Variants in PPP2R2C observed in about 807,000 individuals in gnomAD.
PPP2R2C encodes protein phosphatase 2 regulatory subunit Bgamma.
Under a neutral mutation model 45.3 loss-of-function variants are expected in PPP2R2C, and 10 were observed. The ratio of observed to expected loss-of-function variants is 0.22; its 90% confidence interval spans 0.14 to 0.37. The LOEUF (loss-of-function observed/expected upper bound fraction) is 0.37. Ranked by LOEUF, PPP2R2C falls within the 10% of genes least tolerant of loss-of-function variation. PPP2R2C has a pLI of 1.00. For missense variants in PPP2R2C, 308 were observed against 619.7 expected (o/e 0.50, Z 5.34); for synonymous variants, 257 against 245.4 (o/e 1.05, Z -0.44).
At chr4:6,384,953 A>G in intron 1 of PPP2R2C, 5 of 714,408 alleles carry the variant, frequency 7.0e-6, no homozygotes, top group Non-Finnish European at 8.6e-6. Context: ...CATTATCTGT[A>G]GTGTGCTTAT....
chr4:6,527,278 G>C (rs1009087991), intron 2 of PPP2R2C, among the ~76,000 whole-genome samples: 3 of 152,170 alleles, frequency 2.0e-5, no homozygotes, highest in African/African-American at 7.2e-5. Flanking sequence ...GGTTTACCCC[G>C]CTAGAAGGAA....
intron 1 of PPP2R2C, among the ~76,000 whole-genome samples, chr4:6,453,959 G>A (rs1156537367): frequency 6.6e-6 from 1 of 152,212 alleles, no homozygotes; most frequent in Non-Finnish European, 1.5e-5. Flanking sequence ...AGGGCCACCG[G>A]TCTGCCTCAC....
chr4:6,356,152 T>A (rs558649254), intron 5 of PPP2R2C, among the ~76,000 whole-genome samples: 2 of 152,166 alleles, frequency 1.3e-5, no homozygotes, highest in African/African-American at 4.8e-5. Context: ...TCTTTTTAGG[T>A]TGCAAATACT....
intron 1 of PPP2R2C, chr4:6,384,387 G>A: frequency 1.0e-6 from 1 of 985,322 alleles, no homozygotes; most frequent in South Asian, 4.7e-5. Context: ...TCTCCAAAAT[G>A]TGAACGGAGG....
At chr4:6,327,653 C>T (rs1732058649) in intron 8 of PPP2R2C, among the ~76,000 whole-genome samples, 1 of 152,204 alleles carries the variant, frequency 6.6e-6, no homozygotes, top group African/African-American at 2.4e-5. Context: ...GCCCTGTCTG[C>T]TGGGGGTGTC....
At chr4:6,519,951 G>C (rs1477451930) in intron 2 of PPP2R2C, among the ~76,000 whole-genome samples, 1 of 152,124 alleles carries the variant, frequency 6.6e-6, no homozygotes, top group African/African-American at 2.4e-5. Context: ...CACCACCTGG[G>C]GTGAGCTGCT....
chr4:6,469,077 CAAAAAAAAAA>C (rs142008829), intron 1 of PPP2R2C, among the ~76,000 whole-genome samples: 37 of 56,192 alleles, frequency 6.6e-4, no homozygotes, highest in Admixed American at 2.7e-3. Context: ...GCCCTGCCAC[CAAAAAAAAAA>C]AAAAAAAAAA....
At chr4:6,492,528 G>A (rs999008201) in intron 2 of PPP2R2C, among the ~76,000 whole-genome samples, 1 of 152,204 alleles carries the variant, frequency 6.6e-6, no homozygotes, top group Admixed American at 6.5e-5. Context: ...GAAAGTCAGT[G>A]GCCCCACGCC....
intron 2 of PPP2R2C, among the ~76,000 whole-genome samples, chr4:6,518,922 T>TAAAA (rs56002128): frequency 1.2e-3 from 115 of 92,854 alleles, no homozygotes; most frequent in African/African-American, 3.6e-3. Context: ...GACTCTGTCT[T>TAAAA]AAAAAAAAAA....
At chr4:6,534,425 C>G (rs1254947787) in intron 2 of PPP2R2C, among the ~76,000 whole-genome samples, 1 of 151,010 alleles carries the variant, frequency 6.6e-6, no homozygotes, top group African/African-American at 2.4e-5. Flanking sequence ...AACACACACA[C>G]CAACACATAC....
chr4:6,502,294 C>T (rs932376897), intron 2 of PPP2R2C, among the ~76,000 whole-genome samples: 3 of 152,142 alleles, frequency 2.0e-5, no homozygotes, highest in African/African-American at 7.2e-5. Flanking sequence ...TTCCATATGC[C>T]GGGGAAATCC....
chr4:6,415,640 A>G (rs1012609185), intron 1 of PPP2R2C, among the ~76,000 whole-genome samples: 1 of 152,186 alleles, frequency 6.6e-6, no homozygotes. Context: ...CCGTGCCTCA[A>G]TCGACAGCAT....
chr4:6,526,558 G>C (rs1724215876), intron 2 of PPP2R2C, among the ~76,000 whole-genome samples: 1 of 152,240 alleles, frequency 6.6e-6, no homozygotes, highest in Non-Finnish European at 1.5e-5. Flanking sequence ...GAAAAGAAGA[G>C]GGGGTGGTCG....
chr4:6,522,208 T>C (rs1027832925), intron 2 of PPP2R2C, among the ~76,000 whole-genome samples: 4 of 152,246 alleles, frequency 2.6e-5, no homozygotes, highest in African/African-American at 9.6e-5. Flanking sequence ...AGAGGGTATC[T>C]GGGACTCCAA....
chr4:6,335,333 T>C (rs1380162452), intron 6 of PPP2R2C, among the ~76,000 whole-genome samples: 2 of 152,130 alleles, frequency 1.3e-5, no homozygotes, highest in African/African-American at 4.8e-5. Flanking sequence ...GAGGTGCTGT[T>C]TGACCAAGGT....
chr4:6,500,069 A>G (rs1443969900), intron 2 of PPP2R2C, among the ~76,000 whole-genome samples: 1 of 152,252 alleles, frequency 6.6e-6, no homozygotes, highest in Non-Finnish European at 1.5e-5. Context: ...TCCCCAGGCT[A>G]GAAATGTTTG....
intron 6 of PPP2R2C, among the ~76,000 whole-genome samples, chr4:6,340,929 G>A (rs2109203015): frequency 6.6e-6 from 1 of 152,372 alleles, no homozygotes; most frequent in East Asian, 1.9e-4. Context: ...CACTGTTGGG[G>A]AGCTTTGCCC....
intron 1 of PPP2R2C, chr4:6,414,076 ATGTGTG>A (rs71173440): frequency 0.042 from 37,016 of 877,170 alleles, 509 homozygotes; most frequent in East Asian, 0.047. Flanking sequence ...TTGCCTGTGT[ATGTGTG>A]TGTGTGTGTG....
intron 2 of PPP2R2C, among the ~76,000 whole-genome samples, chr4:6,486,814 G>A (rs1161389506): frequency 6.6e-6 from 1 of 151,864 alleles, no homozygotes; most frequent in African/African-American, 2.4e-5. Flanking sequence ...TCTTTTTATT[G>A]GGATATTTAG....
Sources: gnomAD v4.1 joint callset for allele counts (sites outside exome capture counted in the v4.1 genomes callset) on GRCh38, gnomAD v4.1.1 for gene constraint, MANE v1.5 for transcripts, NCBI Gene and HGNC (gene_info 2026-07-23, HGNC 2026-07-21) for gene names.